Variants in NCKAP5 observed in about 807,000 individuals in gnomAD.
NCKAP5 encodes nck-associated protein 5.
A neutral mutation model predicts 167.0 loss-of-function variants in NCKAP5; 92 were observed. The ratio of observed to expected loss-of-function variants is 0.55; its 90% CI spans 0.47 to 0.66. The LOEUF (loss-of-function observed/expected upper bound fraction) is 0.66, where lower values mean the gene tolerates loss of function less well. NCKAP5 is among the 30% of genes least tolerant of loss of function. The pLI is 0.00. For missense variants in NCKAP5, 2,378 were observed against 2,315.0 expected (o/e 1.03, Z -0.56); for synonymous variants, 891 against 877.4 (o/e 1.02, Z -0.27).
At chr2:132,711,438 C>T (rs777373622) in intron 19 of NCKAP5, among the ~76,000 whole-genome samples, 4 of 152,154 alleles carry the variant, frequency 2.6e-5, no homozygotes, top group Non-Finnish European at 5.9e-5. Context: ...TAGGTATTAT[C>T]GTCATTTGGT....
At chr2:133,195,113 C>T (rs12468545) in intron 5 of NCKAP5, among the ~76,000 whole-genome samples, 35,407 of 151,868 alleles carry the variant, frequency 0.23, 5,165 homozygotes, top group Admixed American at 0.31. Context: ...CAGTAACCAA[C>T]AGTAAAAAGC....
chr2:133,081,468 G>A (rs1182169520), intron 6 of NCKAP5, among the ~76,000 whole-genome samples: 1 of 152,142 alleles, frequency 6.6e-6, no homozygotes, highest in Non-Finnish European at 1.5e-5. Flanking sequence ...TAAAAATACA[G>A]TATCTGCTTA....
intron 16 of NCKAP5, 87 bp downstream of exon 16, chr2:132,773,729 A>T: frequency 9.5e-7 from 1 of 1,053,836 alleles, no homozygotes; most frequent in South Asian, 1.5e-5. Context: ...ATAGAGGGAC[A>T]TGGTCTCTAG....
At chr2:133,276,811 T>TTTGTAATGGTGTAATG (rs2089748469) in intron 4 of NCKAP5, among the ~76,000 whole-genome samples, 1 of 152,006 alleles carries the variant, frequency 6.6e-6, no homozygotes, top group Admixed American at 6.6e-5. Context: ...ACCAAAACAA[T>TTTGTAATGGTGTAATG]GTAACACTAC....
intron 2 of NCKAP5, among the ~76,000 whole-genome samples, chr2:133,545,851 T>C (rs1358673463): frequency 6.6e-6 from 1 of 152,120 alleles, no homozygotes; most frequent in Non-Finnish European, 1.5e-5. Context: ...CCAATGACAT[T>C]GGAGAAAATG....
At chr2:133,616,919 C>T in the NCKAP5 span, among the ~76,000 whole-genome samples, 1 of 152,302 alleles carries the variant, frequency 6.6e-6, no homozygotes. Flanking sequence ...TACTGGCAAA[C>T]CGAATTCAGC....
At chr2:132,963,277 C>G (rs543942288) in intron 8 of NCKAP5, among the ~76,000 whole-genome samples, 1 of 152,214 alleles carries the variant, frequency 6.6e-6, no homozygotes, top group East Asian at 1.9e-4. Flanking sequence ...AATTCCTGCA[C>G]GTTTTTTTTA....
At chr2:133,558,704 CAA>C (rs60051493) in intron 2 of NCKAP5, among the ~76,000 whole-genome samples, 865 of 50,760 alleles carry the variant, frequency 0.017, 4 homozygotes, top group African/African-American at 0.067. Flanking sequence ...ATGTGCTGAG[CAA>C]AAAAAAAAAA....
chr2:132,970,121 G>C (rs2076789631), intron 7 of NCKAP5, among the ~76,000 whole-genome samples: 1 of 152,164 alleles, frequency 6.6e-6, no homozygotes, highest in African/African-American at 2.4e-5. Flanking sequence ...GTCCATTTTA[G>C]ATAGACTAGC....
At chr2:133,210,193 T>TATAATATAATATAATATAAC (rs1224715676) in intron 5 of NCKAP5, among the ~76,000 whole-genome samples, 1 of 148,960 alleles carries the variant, frequency 6.7e-6, no homozygotes, top group African/African-American at 2.4e-5. Context: ...TATAATATAA[T>TATAATATAATATAATATAAC]ATAACATAAT....
chr2:133,337,060 G>A (rs1348943991), intron 3 of NCKAP5, among the ~76,000 whole-genome samples: 1 of 152,102 alleles, frequency 6.6e-6, no homozygotes, highest in East Asian at 1.9e-4. Flanking sequence ...GACTTCCTGT[G>A]GCCATAGCTA....
At chr2:133,504,038 C>T (rs1456268896) in intron 3 of NCKAP5, among the ~76,000 whole-genome samples, 1 of 152,220 alleles carries the variant, frequency 6.6e-6, no homozygotes, top group Middle Eastern at 3.4e-3. Flanking sequence ...ATCCACAATA[C>T]CCTCTGTGAT....
At chr2:132,942,220 T>C (rs973155183) in intron 8 of NCKAP5, among the ~76,000 whole-genome samples, 1 of 152,286 alleles carries the variant, frequency 6.6e-6, no homozygotes, top group African/African-American at 2.4e-5. Flanking sequence ...ACATTAAACA[T>C]GAAAACATTT....
chr2:132,714,243 C>G (rs1379257859), intron 19 of NCKAP5, among the ~76,000 whole-genome samples: 5 of 152,120 alleles, frequency 3.3e-5, no homozygotes, highest in Non-Finnish European at 4.4e-5. Flanking sequence ...GGAAGTTTAC[C>G]TTTCTGGGGC....
intron 8 of NCKAP5, among the ~76,000 whole-genome samples, chr2:132,936,839 C>T (rs1483117570): frequency 2.6e-5 from 4 of 152,214 alleles, no homozygotes; most frequent in East Asian, 3.9e-4. Flanking sequence ...TTTACAAGGA[C>T]ATCAATTATA....
chr2:132,842,035 T>C (rs532712078), intron 11 of NCKAP5, among the ~76,000 whole-genome samples: 1 of 152,176 alleles, frequency 6.6e-6, no homozygotes, highest in Admixed American at 6.5e-5. Flanking sequence ...TGGTATGACA[T>C]AATCTAAATA....
At chr2:132,835,136 AC>A (rs766549400) in intron 11 of NCKAP5, among the ~76,000 whole-genome samples, 1 of 152,052 alleles carries the variant, frequency 6.6e-6, no homozygotes, top group Non-Finnish European at 1.5e-5. Flanking sequence ...TGTATGTTGA[AC>A]CATCCTTGCA....
the NCKAP5 span, among the ~76,000 whole-genome samples, chr2:133,659,786 ACCT>A: frequency 3.9e-5 from 6 of 152,196 alleles, no homozygotes; most frequent in Admixed American, 2.0e-4. Context: ...TGTGACTGAT[ACCT>A]CAATAAACTT....
At chr2:132,937,681 G>A (rs779451056) in intron 8 of NCKAP5, among the ~76,000 whole-genome samples, 2 of 152,210 alleles carry the variant, frequency 1.3e-5, no homozygotes, top group Non-Finnish European at 2.9e-5. Context: ...CTCCCTTCCT[G>A]ACAGCAACAT....
Sources: allele counts gnomAD v4.1 joint callset (sites outside exome capture counted in the v4.1 genomes callset), GRCh38; gene constraint gnomAD v4.1.1; transcripts MANE v1.5; gene names NCBI Gene and HGNC (gene_info 2026-07-23, HGNC 2026-07-21).